Variants in ATP5F1C observed in about 807,000 individuals in gnomAD.
ATP5F1C encodes ATP synthase F1 subunit gamma, also known as ATP synthase F(1) complex subunit gamma, mitochondrial.
In ATP5F1C, 22 loss-of-function variants were observed where a neutral mutation model predicts 37.4. The observed-to-expected ratio is 0.59, with a 90% CI of 0.42 to 0.84. The LOEUF (loss-of-function observed/expected upper bound fraction) is 0.84. Ranked by LOEUF, ATP5F1C falls within the 40% of genes least tolerant of loss-of-function variation. The probability of loss-of-function intolerance (pLI) is 0.00; values close to 1 mark genes in which losing one functional copy is unlikely to be tolerated. For synonymous variants in ATP5F1C, 121 were observed against 128.0 expected (o/e 0.95, Z 0.37); for missense variants, 286 against 362.4 (o/e 0.79, Z 1.71).
At chr10:7,799,975 A>G (rs1026645278) in intron 5 of ATP5F1C, 52 bp from the exon 6 acceptor site, 2 of 1,606,674 alleles carry the variant, frequency 1.2e-6, no homozygotes, top group Non-Finnish European at 1.7e-6. Context: ...ATATTTTGAA[A>G]TAACAGTTTA....
In ATP5F1C at chr10:7,799,170, A is replaced by G; in HGVS notation, c.404A>G (p.Asp135Gly). ...GKEVMLVGIG[D>G]KIRGILYRTH... ...GAAGTTATGCTTGTTGGAATTGGTG[A>G]CAAAATCAGAGGCATACTTTATAGG... The change falls in exon 4 of 10, where the codon GAC (aspartate) becomes GGC (glycine). Residue 135 changes from aspartate to glycine, a missense_variant. Physicochemically the swap from Asp to Gly is moderately conservative, Grantham distance 94 (BLOSUM62 -1). Transcript: ENST00000356708. The G allele has an allele frequency of 6.2e-7, 1 of 1,614,058 alleles. No homozygotes were observed. The highest frequency in any genetic ancestry group is 1.1e-5 in the South Asian group (1 of 91,072).
chr10:7,800,695 G>C (rs1054324815), intron 6 of ATP5F1C, among the ~76,000 whole-genome samples: 1 of 151,646 alleles, frequency 6.6e-6, no homozygotes, highest in Non-Finnish European at 1.5e-5. Context: ...GCATTTCACC[G>C]TGTTCGCCAG....
intron 1 of ATP5F1C, among the ~76,000 whole-genome samples, chr10:7,795,775 A>G (rs1353262676): frequency 6.6e-6 from 1 of 152,186 alleles, no homozygotes; most frequent in South Asian, 2.1e-4. Flanking sequence ...GATTCGAAGT[A>G]TAGTTGGGCA....
intron 2 of ATP5F1C, 125 bp downstream of exon 2, chr10:7,796,280 C>T: frequency 2.5e-6 from 2 of 799,424 alleles, no homozygotes; most frequent in East Asian, 3.0e-5. Context: ...AAATGGATTT[C>T]CATTGTATGT....
intron 5 of ATP5F1C, 26 bp from the exon 6 acceptor site, chr10:7,800,000 AT>A (rs1836323037): frequency 6.2e-7 from 1 of 1,608,538 alleles, no homozygotes; most frequent in Non-Finnish European, 8.5e-7. Flanking sequence ...TTATTTTGAG[AT>A]TTACATTTGT....
chr10:7,806,420 C>T (rs995079526), intron 8 of ATP5F1C, among the ~76,000 whole-genome samples: 3 of 152,052 alleles, frequency 2.0e-5, no homozygotes, highest in South Asian at 2.1e-4. Flanking sequence ...TTTGGGAGGC[C>T]GAGGCGGGTG....
intron 2 of ATP5F1C, 113 bp downstream of exon 2, chr10:7,796,268 C>T: frequency 1.1e-6 from 1 of 896,190 alleles, no homozygotes; most frequent in Non-Finnish European, 1.6e-6. Flanking sequence ...TCAAAACTGA[C>T]CAAATGGATT....
chr10:7,796,070 A>G, intron 1 of ATP5F1C, 51 bp from the exon 2 acceptor site: 1 of 1,430,552 alleles, frequency 7.0e-7, no homozygotes, highest in Non-Finnish European at 9.6e-7. Context: ...TTCTTGTATA[A>G]TGGAACTATT....
chr10:7,793,833 C>T (rs1437656883), intron 1 of ATP5F1C, among the ~76,000 whole-genome samples: 2 of 152,150 alleles, frequency 1.3e-5, no homozygotes, highest in Non-Finnish European at 2.9e-5. Flanking sequence ...AATATTTTTG[C>T]ATATTAGTGT....
At chr10:7,798,212 TTTG>T (rs1184430012) in intron 3 of ATP5F1C, among the ~76,000 whole-genome samples, 3 of 150,224 alleles carry the variant, frequency 2.0e-5, no homozygotes, top group Non-Finnish European at 3.0e-5. Context: ...GTGTGTGTGT[TTTG>T]TTGTTGTTTT....
chr10:7,796,093 GA>G, intron 1 of ATP5F1C, 27 bp from the exon 2 acceptor site: 1 of 1,567,054 alleles, frequency 6.4e-7, no homozygotes, highest in Non-Finnish European at 8.6e-7. Context: ...TCAAAAAACT[GA>G]AACATTTTTA....
intron 8 of ATP5F1C, among the ~76,000 whole-genome samples, chr10:7,805,427 A>G (rs1836455363): frequency 6.6e-6 from 1 of 152,170 alleles, no homozygotes; most frequent in Admixed American, 6.5e-5. Flanking sequence ...TGCAAAATTG[A>G]GGACCAGCCT....
chr10:7,798,098 T>C (rs1299420023), intron 3 of ATP5F1C, among the ~76,000 whole-genome samples: 1 of 152,214 alleles, frequency 6.6e-6, no homozygotes, highest in African/African-American at 2.4e-5. Context: ...TTAAGGAAGA[T>C]TTATGCATAT....
chr10:7,797,567 C>T (rs1836264142), intron 3 of ATP5F1C, among the ~76,000 whole-genome samples: 2 of 152,134 alleles, frequency 1.3e-5, no homozygotes. Flanking sequence ...AGTATACCAT[C>T]AGAAGAACTT....
At chr10:7,800,188 A>G in intron 6 of ATP5F1C, 97 bp downstream of exon 6, 1 of 1,256,724 alleles carries the variant, frequency 8.0e-7, no homozygotes, top group East Asian at 2.3e-5. Flanking sequence ...TGGTAGCTAT[A>G]GCAAATGATT....
chr10:7,797,261 A>G, intron 3 of ATP5F1C, 83 bp downstream of exon 3: 2 of 1,540,466 alleles, frequency 1.3e-6, no homozygotes, highest in Non-Finnish European at 1.8e-6. Flanking sequence ...TAGAGCTTAC[A>G]GTGATGTCAA....
intron 3 of ATP5F1C, 62 bp from the exon 4 acceptor site, chr10:7,798,928 A>C: frequency 2.1e-6 from 3 of 1,453,658 alleles, no homozygotes; most frequent in South Asian, 1.2e-5. Flanking sequence ...TTTGTAAATT[A>C]GAGATTTATT....
At chr10:7,795,198 C>T (rs1309355888) in intron 1 of ATP5F1C, among the ~76,000 whole-genome samples, 1 of 151,848 alleles carries the variant, frequency 6.6e-6, no homozygotes, top group Non-Finnish European at 1.5e-5. Flanking sequence ...GTCCAGTTTC[C>T]CCTTCTCCAT....
At chr10:7,800,412 G>A (rs1836335782) in intron 6 of ATP5F1C, among the ~76,000 whole-genome samples, 1 of 151,732 alleles carries the variant, frequency 6.6e-6, no homozygotes, top group Admixed American at 6.6e-5. Context: ...AGCCAGGATG[G>A]TCTCAATCTC....
Sources: allele counts gnomAD v4.1 joint callset (sites outside exome capture counted in the v4.1 genomes callset), GRCh38; gene constraint gnomAD v4.1.1; transcripts MANE v1.5; gene names NCBI Gene and HGNC (gene_info 2026-07-23, HGNC 2026-07-21).